Variants in AKT3 observed in about 807,000 individuals in gnomAD.
The protein encoded by AKT3 is AKT serine/threonine kinase 3, also known as RAC-gamma serine/threonine-protein kinase.
In AKT3, 15 loss-of-function variants were observed where a neutral mutation model predicts 65.3. The observed-to-expected ratio is 0.23, with a 90% CI of 0.15 to 0.35. AKT3 has a LOEUF of 0.35. Among genes scored for constraint, AKT3 ranks in the 10% least tolerant of loss-of-function variants. AKT3 has a pLI of 1.00. For missense variants in AKT3, 243 were observed against 576.5 expected, an observed-to-expected ratio of 0.42 and a Z score of 5.92; for synonymous variants, 206 against 183.8, an observed-to-expected ratio of 1.12 and a Z score of -0.98.
chr1:243,668,316 G>A (rs1572138717), intron 3 of AKT3, among the ~76,000 whole-genome samples: 1 of 152,126 alleles, frequency 6.6e-6, no homozygotes. Context: ...AAGTAAAGGG[G>A]TAGCTCTAAT....
rs1669539277 is a variant in AKT3, at chr1:243,504,592, TGG to T, written c.*655_*656del. 5.4e-6 allele frequency: 1 copy of T among 183,556 alleles called. No individual in the cohort carries two copies. Among genetic ancestry groups the T allele is most frequent in the African/African-American group, 2.4e-5 (1 of 42,396 alleles). 11.4% of individuals were successfully genotyped at this position (183,556 alleles called of 1,614,324 possible). On this transcript the variant is annotated 3_prime_UTR_variant, in exon 14 of 14. Coordinates refer to ENST00000673466, the MANE Select transcript of AKT3 (RefSeq NM_005465.7). ...GAAGTCTCGACATCCACATGTGATA[TGG>T]GCTTCTTCTACAGTATCCACCAGGA...
intron 6 of AKT3, among the ~76,000 whole-genome samples, chr1:243,628,756 A>C (rs967197656): frequency 6.6e-6 from 1 of 152,260 alleles, no homozygotes. Context: ...GTTCAAAGGT[A>C]ATCAGCCAGC....
chr1:243,735,548 C>T (rs533525968), intron 2 of AKT3: 90 of 152,162 alleles, frequency 5.9e-4, no homozygotes, highest in Non-Finnish European at 1.1e-3. Flanking sequence ...AAAAATATTT[C>T]GTTGCGTTTC....
intron 2 of AKT3, among the ~76,000 whole-genome samples, chr1:243,756,644 A>G (rs540401575): frequency 2.6e-5 from 4 of 152,380 alleles, no homozygotes; most frequent in African/African-American, 9.6e-5. Context: ...AGAAACAACA[A>G]ATTAGAAAGT....
intron 8 of AKT3, among the ~76,000 whole-genome samples, chr1:243,605,402 A>G (rs1677325727): frequency 6.6e-6 from 1 of 152,206 alleles, no homozygotes; most frequent in African/African-American, 2.4e-5. Context: ...TTTGTATTTT[A>G]AAACACCAGA....
At chr1:243,538,352 C>T (rs773264923) in intron 12 of AKT3, among the ~76,000 whole-genome samples, 14 of 145,698 alleles carry the variant, frequency 9.6e-5, no homozygotes, top group Non-Finnish European at 1.7e-4. Context: ...AAATATTCAA[C>T]AAATCCAAAA....
intron 2 of AKT3, among the ~76,000 whole-genome samples, chr1:243,713,353 C>T (rs890237394): frequency 2.0e-5 from 3 of 151,970 alleles, no homozygotes; most frequent in Non-Finnish European, 2.9e-5. Flanking sequence ...AGTATTAAAC[C>T]CCTAAACTAA....
chr1:243,552,581 T>G, intron 11 of AKT3, 148 bp downstream of exon 11: 2 of 717,640 alleles, frequency 2.8e-6, no homozygotes, highest in Non-Finnish European at 2.3e-6. Context: ...TTCTATATTA[T>G]GCAGTTAAAA....
chr1:243,535,358 C>T (rs376331998), intron 12 of AKT3, among the ~76,000 whole-genome samples: 1 of 151,992 alleles, frequency 6.6e-6, no homozygotes, highest in Non-Finnish European at 1.5e-5. Context: ...CTTTTCATCC[C>T]TCACCTCCCT....
chr1:243,849,908 A>C (rs1324218607), intron 1 of AKT3, 132 bp downstream of exon 1: 1 of 659,386 alleles, frequency 1.5e-6, no homozygotes, highest in Non-Finnish European at 1.9e-6. Context: ...ACAACCCAGA[A>C]GCCCCCGCCT....
chr1:243,723,921 A>G (rs1687061685), intron 2 of AKT3, among the ~76,000 whole-genome samples: 1 of 152,086 alleles, frequency 6.6e-6, no homozygotes, highest in African/African-American at 2.4e-5. Flanking sequence ...CTGTCTGGGG[A>G]AAAAAAGGTG....
At chr1:243,655,405 T>C (rs944915182) in intron 4 of AKT3, among the ~76,000 whole-genome samples, 3 of 152,178 alleles carry the variant, frequency 2.0e-5, no homozygotes, top group African/African-American at 7.2e-5. Context: ...AATTAATGTA[T>C]AGTTCTTTTA....
At chr1:243,843,657 T>G in intron 1 of AKT3, 1 of 435,886 alleles carries the variant, frequency 2.3e-6, no homozygotes, top group Non-Finnish European at 2.9e-6. Flanking sequence ...AAATTTTTTG[T>G]TTTTTTTTTT....
chr1:243,779,783 G>A (rs1054404932), intron 2 of AKT3, among the ~76,000 whole-genome samples: 1 of 152,078 alleles, frequency 6.6e-6, no homozygotes. Context: ...AGTATATGAC[G>A]AGACTGGAAT....
In AKT3 at chr1:243,844,155, G is replaced by A. The variant is rs149836230; in HGVS notation, c.-112-873C>T. On this transcript the variant is annotated intron_variant, in intron 1 of 13. Coordinates refer to ENST00000673466, the MANE Select transcript of AKT3 (RefSeq NM_005465.7). ...CTCAAGATGTGCCAAGAACTGTTAC[G>A]GGTACTTACATCTATTATTCTTATG... 1.3e-3 allele frequency among the ~76,000 whole-genome samples: 200 copies of A among 152,196 alleles called. 1 individual carries two copies. The highest frequency in any genetic ancestry group is 4.5e-3 in the African/African-American group (187 of 41,540).
chr1:243,515,042 G>C (rs1045343062), intron 12 of AKT3, among the ~76,000 whole-genome samples: 2 of 152,078 alleles, frequency 1.3e-5, no homozygotes, highest in Non-Finnish European at 2.9e-5. Context: ...TTATGCAAAT[G>C]GATCATAGAG....
At position 243,637,981 on chromosome 1, in the gene AKT3, G is replaced by C. The variant is rs320327; in HGVS notation, c.430-239C>G. Among the ~76,000 whole-genome samples the C allele has an allele frequency of 1, 152,243 of 152,252 alleles. 76,117 individuals are homozygous for C. Among genetic ancestry groups the C allele is most frequent in the Middle Eastern group, 1 (294 of 294 alleles). The stretch of plus-strand genomic sequence containing the variant: ...GATTTTGAACCTAGAATTCCTCAGC[G>C]AAATTATCAGTTGTGTAAAAGGGCA... On this transcript the variant is annotated intron_variant, in intron 5 of 13. Coordinates refer to ENST00000673466, the MANE Select transcript of AKT3 (RefSeq NM_005465.7).
intron 2 of AKT3, among the ~76,000 whole-genome samples, chr1:243,810,535 T>C (rs1462999606): frequency 2.0e-5 from 3 of 152,122 alleles, no homozygotes; most frequent in Non-Finnish European, 4.4e-5. Context: ...CAATAATTAA[T>C]AGCTTACCAA....
intron 6 of AKT3, among the ~76,000 whole-genome samples, chr1:243,627,453 T>C (rs929467282): frequency 2.6e-5 from 4 of 152,158 alleles, no homozygotes; most frequent in African/African-American, 4.8e-5. Context: ...CAATTTATAC[T>C]TACTGCAGTG....
Sources: gnomAD v4.1 joint callset for allele counts (sites outside exome capture counted in the v4.1 genomes callset) on GRCh38, gnomAD v4.1.1 for gene constraint, MANE v1.5 for transcripts, NCBI Gene and HGNC (gene_info 2026-07-23, HGNC 2026-07-21) for gene names.